The following RABGAP1L variants were observed in gnomAD, a reference collection of about 807,000 sequenced individuals.
The protein encoded by RABGAP1L is RAB GTPase activating protein 1 like.
A neutral mutation model predicts 137.7 loss-of-function variants in RABGAP1L; 63 were observed. That is an observed-to-expected ratio of 0.46 (90% CI 0.37 to 0.56). The LOEUF (loss-of-function observed/expected upper bound fraction) is 0.56. RABGAP1L is among the 20% of genes least tolerant of loss of function. The pLI, the probability that RABGAP1L is intolerant of heterozygous loss-of-function variation, is 0.00. For synonymous variants in RABGAP1L, 431 were observed against 433.7 expected (o/e 0.99, Z 0.08); for missense variants, 1,095 against 1,244.0 (o/e 0.88, Z 1.80).
At chr1:174,615,389 G>A (rs114820632) in intron 13 of RABGAP1L, among the ~76,000 whole-genome samples, 3,471 of 152,248 alleles carry the variant, frequency 0.023, 62 homozygotes, top group Middle Eastern at 0.085. Context: ...GCAGAACTGC[G>A]GATTTTCGTG....
intron 13 of RABGAP1L, among the ~76,000 whole-genome samples, chr1:174,457,477 C>CTT (rs746968960): frequency 0.011 from 1,162 of 107,406 alleles, 33 homozygotes; most frequent in African/African-American, 0.041. Context: ...CAGGCATCAT[C>CTT]TTTTTTTTTT....
At chr1:174,285,520 G>T (rs971006598) in intron 10 of RABGAP1L, among the ~76,000 whole-genome samples, 5 of 140,888 alleles carry the variant, frequency 3.5e-5, no homozygotes, top group East Asian at 2.0e-4. Context: ...TGTTCTAACC[G>T]TTTTTTTTTT....
At chr1:174,928,193 A>G (rs1220740832) in intron 19 of RABGAP1L, among the ~76,000 whole-genome samples, 1 of 152,012 alleles carries the variant, frequency 6.6e-6, no homozygotes, top group Non-Finnish European at 1.5e-5. Context: ...CTCTTTGTCT[A>G]GCTGTCTAGC....
intron 11 of RABGAP1L, among the ~76,000 whole-genome samples, chr1:174,349,596 C>G (rs1043273836): frequency 1.4e-5 from 2 of 142,824 alleles, no homozygotes; most frequent in East Asian, 4.7e-4. Context: ...TGACCCCCCC[C>G]ACCTCCCTCC....
chr1:174,444,187 G>GTT lies in RABGAP1L; in HGVS notation c.1710+50051_1710+50052dup, dbSNP rs146180628. On this transcript the variant is annotated intron_variant, in intron 13 of 25. Coordinates refer to ENST00000681986, the MANE Select transcript of RABGAP1L (RefSeq NM_001366446.1). ...TTTTGTAGTTCCATACAAATTTTAGGTTTTTTTTTTCTATTTATTTGAATG... is the reference window on the plus strand; with the variant it reads ...TTTTGTAGTTCCATACAAATTTTAGGTTTTTTTTTTTTCTATTTATTTGAATG... 2.7e-4 allele frequency among the ~76,000 whole-genome samples: 40 copies of GTT among 148,598 alleles called. 1 individual carries two copies. The East Asian group carries it at 5.5e-3, about 21-fold the overall frequency.
At chr1:174,374,257 A>G (rs1017751379) in intron 12 of RABGAP1L, among the ~76,000 whole-genome samples, 4 of 152,168 alleles carry the variant, frequency 2.6e-5, no homozygotes, top group Non-Finnish European at 5.9e-5. Context: ...CATCATAGAA[A>G]TAAGCAACGT....
intron 13 of RABGAP1L, among the ~76,000 whole-genome samples, chr1:174,625,641 G>T (rs908276512): frequency 1.3e-5 from 2 of 152,142 alleles, no homozygotes; most frequent in African/African-American, 4.8e-5. Context: ...AAACATAATT[G>T]AGCTTGAAGA....
chr1:174,365,602 C>T (rs752828675), intron 11 of RABGAP1L, among the ~76,000 whole-genome samples: 2 of 152,152 alleles, frequency 1.3e-5, no homozygotes, highest in Non-Finnish European at 2.9e-5. Context: ...CTCTATCCTC[C>T]GCTGTGACAG....
At chr1:174,398,747 G>A (rs955540736) in intron 13 of RABGAP1L, among the ~76,000 whole-genome samples, 1 of 152,046 alleles carries the variant, frequency 6.6e-6, no homozygotes, top group Non-Finnish European at 1.5e-5. Flanking sequence ...CTCCACCCCC[G>A]AAAATCTAGG....
intron 12 of RABGAP1L, among the ~76,000 whole-genome samples, chr1:174,375,960 C>T (rs1685497521): frequency 6.6e-6 from 1 of 151,872 alleles, no homozygotes; most frequent in South Asian, 2.1e-4. Flanking sequence ...CTCAGCTACC[C>T]GGGAGGCTGA....
chr1:174,868,311 A>G (rs1231981009), intron 19 of RABGAP1L, among the ~76,000 whole-genome samples: 2 of 152,196 alleles, frequency 1.3e-5, no homozygotes, highest in East Asian at 3.9e-4. Context: ...AATTGGGATA[A>G]TTAAATCTGC....
At chr1:174,425,196 A>G (rs1193909174) in intron 13 of RABGAP1L, among the ~76,000 whole-genome samples, 1 of 152,032 alleles carries the variant, frequency 6.6e-6, no homozygotes, top group Non-Finnish European at 1.5e-5. Context: ...ATCCTTTACC[A>G]GTAGTTTTCT....
chr1:174,936,351 CCAGCTACA>C (rs1664789812), intron 19 of RABGAP1L, among the ~76,000 whole-genome samples: 1 of 152,002 alleles, frequency 6.6e-6, no homozygotes, highest in South Asian at 2.1e-4. Flanking sequence ...ACCTGTGGTG[CCAGCTACA>C]CAGAAGGCTG....
At chr1:174,549,278 T>C (rs890459357) in intron 13 of RABGAP1L, among the ~76,000 whole-genome samples, 1 of 152,184 alleles carries the variant, frequency 6.6e-6, no homozygotes, top group African/African-American at 2.4e-5. Flanking sequence ...AGCAGGGTTA[T>C]TTCTCCAGGG....
At chr1:174,613,981 A>T (rs1253528886) in intron 13 of RABGAP1L, among the ~76,000 whole-genome samples, 1 of 152,130 alleles carries the variant, frequency 6.6e-6, no homozygotes, top group Non-Finnish European at 1.5e-5. Flanking sequence ...TCCTGAATAC[A>T]GCACACTGAT....
intron 18 of RABGAP1L, among the ~76,000 whole-genome samples, chr1:174,753,636 T>G (rs566188675): frequency 6.6e-6 from 1 of 152,274 alleles, no homozygotes; most frequent in East Asian, 1.9e-4. Context: ...CTTAATGAAG[T>G]CATGGGTTTT....
intron 14 of RABGAP1L, among the ~76,000 whole-genome samples, chr1:174,658,323 C>T (rs1190569908): frequency 6.6e-6 from 1 of 152,030 alleles, no homozygotes; most frequent in African/African-American, 2.4e-5. Context: ...TGTCACTGCC[C>T]ATATTTTTTT....
chr1:174,607,471 A>C (rs981621701), intron 13 of RABGAP1L, among the ~76,000 whole-genome samples: 1 of 152,092 alleles, frequency 6.6e-6, no homozygotes, highest in African/African-American at 2.4e-5. Flanking sequence ...TGGGTTACAG[A>C]CATTCCTCTG....
At chr1:174,312,586 G>A (rs1430967201) in intron 11 of RABGAP1L, among the ~76,000 whole-genome samples, 1 of 152,096 alleles carries the variant, frequency 6.6e-6, no homozygotes, top group Non-Finnish European at 1.5e-5. Context: ...CCTTTGCTGT[G>A]CAGAAGCTTT....
Sources: gnomAD v4.1 joint callset for allele counts (sites outside exome capture counted in the v4.1 genomes callset) on GRCh38, gnomAD v4.1.1 for gene constraint, MANE v1.5 for transcripts, NCBI Gene and HGNC (gene_info 2026-07-23, HGNC 2026-07-21) for gene names.